The following JAZF1 variants were observed in gnomAD, a reference collection of about 807,000 sequenced individuals.
JAZF1 encodes the protein juxtaposed with another zinc finger protein 1.
In JAZF1, 8 loss-of-function variants were observed where a neutral mutation model predicts 26.4. That is an observed-to-expected ratio of 0.30 (90% confidence interval 0.18 to 0.55). JAZF1 has a LOEUF of 0.55. Ranked by LOEUF, JAZF1 falls within the 20% of genes least tolerant of loss-of-function variation. The pLI, the probability that JAZF1 is intolerant of heterozygous loss-of-function variation, is 0.94. For synonymous variants in JAZF1, 126 were observed against 122.3 expected (o/e 1.03, Z -0.20); for missense variants, 199 against 322.0 (o/e 0.62, Z 2.92).
chr7:28,097,887 T>C (rs2127925761), intron 1 of JAZF1, among the ~76,000 whole-genome samples: 1 of 152,352 alleles, frequency 6.6e-6, no homozygotes, highest in African/African-American at 2.4e-5. Context: ...CCCAGAACAC[T>C]ATGCACTTCT....
chr7:28,106,540 G>A (rs1038220946), intron 1 of JAZF1, among the ~76,000 whole-genome samples: 1 of 152,118 alleles, frequency 6.6e-6, no homozygotes, highest in African/African-American at 2.4e-5. Flanking sequence ...AAGAAACACA[G>A]GATCACCTTC....
chr7:27,899,290 T>G (rs577065474), intron 2 of JAZF1, among the ~76,000 whole-genome samples: 2 of 152,316 alleles, frequency 1.3e-5, no homozygotes, highest in South Asian at 4.1e-4. Context: ...TGTTCCCTGT[T>G]TCACCAAATA....
At chr7:27,912,252 T>C (rs1338975306) in intron 2 of JAZF1, among the ~76,000 whole-genome samples, 1 of 152,228 alleles carries the variant, frequency 6.6e-6, no homozygotes, top group African/African-American at 2.4e-5. Context: ...TTACACTTCT[T>C]TCAGTTGCCT....
At chr7:27,868,707 T>C (rs757396) in intron 3 of JAZF1, among the ~76,000 whole-genome samples, 110,291 of 152,144 alleles carry the variant, frequency 0.72, 40,656 homozygotes, top group African/African-American at 0.86. Context: ...AGAGAGAGCA[T>C]GGTACCCAAG....
intron 1 of JAZF1, among the ~76,000 whole-genome samples, chr7:28,143,783 T>C (rs1482901173): frequency 6.6e-6 from 1 of 152,246 alleles, no homozygotes; most frequent in Admixed American, 6.5e-5. Context: ...AAGAGGGTCC[T>C]TTTACGGATA....
intron 2 of JAZF1, among the ~76,000 whole-genome samples, chr7:27,989,636 C>T (rs1208495386): frequency 1.5e-4 from 23 of 152,312 alleles, no homozygotes; most frequent in African/African-American, 1.7e-4. Context: ...TATGAACAGA[C>T]GCTTCTCAAA....
chr7:27,833,062 G>A (rs1273987823), intron 4 of JAZF1, 86 bp from the exon 5 acceptor site: 1 of 1,038,426 alleles, frequency 9.6e-7, no homozygotes, highest in African/African-American at 1.6e-5. Flanking sequence ...CTGGATTGCA[G>A]TTCCTGGATG....
At chr7:27,910,362 T>A (rs1244496819) in intron 2 of JAZF1, among the ~76,000 whole-genome samples, 1 of 152,086 alleles carries the variant, frequency 6.6e-6, no homozygotes, top group Non-Finnish European at 1.5e-5. Context: ...TGGAAAAAAA[T>A]TCAGGGGGTA....
In JAZF1 at chr7:27,857,387, C is replaced by T. The variant is rs546283475; in HGVS notation, c.386-16520G>A. Among the ~76,000 whole-genome samples the T allele has an allele frequency of 6.7e-3, 1,019 of 152,338 alleles. 7 individuals carry two copies. The highest frequency in any genetic ancestry group is 0.023 in the African/African-American group (965 of 41,590). On this transcript the variant is annotated intron_variant, in intron 3 of 4. Coordinates refer to ENST00000283928, the MANE Select transcript of JAZF1 (RefSeq NM_175061.4). ...CCCACAGCCCCGGTTCCCACCTGCG[C>T]CTCTCCCTCCACACCTCCCCACAAG...
chr7:27,925,918 G>A (rs1423915415), intron 2 of JAZF1, among the ~76,000 whole-genome samples: 1 of 152,192 alleles, frequency 6.6e-6, no homozygotes, highest in South Asian at 2.1e-4. Flanking sequence ...AAAGAAAGGT[G>A]TACTAAAAAC....
Position 28,142,558 on chromosome 7 carries a change from G to A in JAZF1, c.115+37905C>T, listed in dbSNP as rs115882379. Among the ~76,000 whole-genome samples the A allele has an allele frequency of 8.9e-3, 1,358 of 152,240 alleles. 20 individuals are homozygous for A. Among genetic ancestry groups the A allele is most frequent in the African/African-American group, 0.024 (991 of 41,536 alleles). ...CCCAAATACTCAAGGCCCTTCTACC[G>A]TGCGCACCTTTCCTTTGTCCTGCCA... On this transcript the variant is annotated intron_variant, in intron 1 of 4. Transcript: ENST00000283928.
chr7:28,077,179 A>G (rs139724368), intron 1 of JAZF1, among the ~76,000 whole-genome samples: 90 of 152,370 alleles, frequency 5.9e-4, no homozygotes, highest in African/African-American at 2.2e-3. Flanking sequence ...AATCGGAACT[A>G]TACAAACTGG....
intron 4 of JAZF1, among the ~76,000 whole-genome samples, chr7:27,835,945 C>G (rs1379368351): frequency 6.6e-6 from 1 of 152,186 alleles, no homozygotes; most frequent in Admixed American, 6.5e-5. Context: ...TTATTAAGAG[C>G]TTACCATACT....
At chr7:28,169,170 T>G (rs1431578339) in intron 1 of JAZF1, among the ~76,000 whole-genome samples, 2 of 152,236 alleles carry the variant, frequency 1.3e-5, no homozygotes, top group Non-Finnish European at 2.9e-5. Flanking sequence ...TATTCTAACA[T>G]CTGAAGTGAA....
intron 3 of JAZF1, chr7:27,842,545 TG>T (rs1286876961): frequency 6.6e-6 from 1 of 152,160 alleles, no homozygotes; most frequent in Non-Finnish European, 1.5e-5. Flanking sequence ...GAGCTAAATG[TG>T]GGTTTCAATA....
At chr7:28,113,121 A>G (rs1784688180) in intron 1 of JAZF1, among the ~76,000 whole-genome samples, 1 of 152,216 alleles carries the variant, frequency 6.6e-6, no homozygotes, top group Non-Finnish European at 1.5e-5. Flanking sequence ...TTGTTGTGCA[A>G]CATCCAGGTT....
chr7:28,050,781 T>C (rs933018372), intron 1 of JAZF1, among the ~76,000 whole-genome samples: 8 of 152,326 alleles, frequency 5.3e-5, no homozygotes, highest in Middle Eastern at 3.4e-3. Context: ...GTTATTAATA[T>C]TTTACATATG....
At chr7:28,008,533 T>G (rs1425285314) in intron 1 of JAZF1, among the ~76,000 whole-genome samples, 1 of 152,240 alleles carries the variant, frequency 6.6e-6, no homozygotes, top group African/African-American at 2.4e-5. Flanking sequence ...TGAGAGTCAT[T>G]GTCTCTCCAG....
In JAZF1 at chr7:28,088,161, C is replaced by T. The variant is rs147608983; in HGVS notation, c.115+92302G>A. 4.7e-3 allele frequency among the ~76,000 whole-genome samples: 712 copies of T among 152,298 alleles called. 4 individuals carry two copies. Among genetic ancestry groups the T allele is most frequent in the African/African-American group, 0.016 (678 of 41,564 alleles). ...TAACAGTCACTCAGGGTTAACACCA[C>T]GGGGCTACAATCTGCTGCAAGAGAC... On this transcript the variant is annotated intron_variant, in intron 1 of 4. Transcript: ENST00000283928.
Sources: gnomAD v4.1 joint callset for allele counts (sites outside exome capture counted in the v4.1 genomes callset) on GRCh38, gnomAD v4.1.1 for gene constraint, MANE v1.5 for transcripts, NCBI Gene and HGNC (gene_info 2026-07-23, HGNC 2026-07-21) for gene names.